ITGB5: variants seen among roughly 807,000 people sequenced by gnomAD.
The protein encoded by ITGB5 is integrin beta-5.
Under a neutral mutation model 84.8 loss-of-function variants are expected in ITGB5, and 38 were observed. The observed-to-expected ratio is 0.45, with a 90% CI of 0.35 to 0.59. The LOEUF (loss-of-function observed/expected upper bound fraction) is 0.59. ITGB5 is among the 20% of genes least tolerant of loss of function. The pLI is 0.01. For synonymous variants in ITGB5, 393 were observed against 414.4 expected (o/e 0.95, Z 0.63); for missense variants, 905 against 1,034.5 (o/e 0.87, Z 1.72).
intron 10 of ITGB5, among the ~76,000 whole-genome samples, chr3:124,778,116 G>C (rs1360663935): frequency 1.3e-5 from 2 of 152,250 alleles, no homozygotes; most frequent in African/African-American, 4.8e-5. Flanking sequence ...TTGGCAAAGT[G>C]AGTTGAATTT....
intron 4 of ITGB5, among the ~76,000 whole-genome samples, chr3:124,842,841 C>T (rs1480743736): frequency 6.6e-6 from 1 of 152,136 alleles, no homozygotes; most frequent in East Asian, 1.9e-4. Context: ...TGTAAAGGGG[C>T]AATCTTTGGT....
intron 2 of ITGB5, among the ~76,000 whole-genome samples, chr3:124,871,685 A>C (rs1426268860): frequency 1.3e-5 from 2 of 151,900 alleles, no homozygotes; most frequent in African/African-American, 4.8e-5. Context: ...CAATTAGCCG[A>C]GCACAGTGGC....
intron 3 of ITGB5, 152 bp from the exon 4 acceptor site, chr3:124,848,710 A>G: frequency 1.3e-6 from 1 of 762,156 alleles, no homozygotes; most frequent in Non-Finnish European, 2.1e-6. Context: ...AAGTGCCTGA[A>G]GGGAATACGG....
intron 1 of ITGB5, among the ~76,000 whole-genome samples, chr3:124,885,809 G>A (rs1934777914): frequency 6.6e-6 from 1 of 152,130 alleles, no homozygotes; most frequent in South Asian, 2.1e-4. Flanking sequence ...GTTTGAATTA[G>A]GGTCTGAACG....
chr3:124,884,040 C>T (rs1391455636), intron 1 of ITGB5, among the ~76,000 whole-genome samples: 3 of 152,120 alleles, frequency 2.0e-5, no homozygotes, highest in South Asian at 2.1e-4. Context: ...GAGAGGCACT[C>T]AACCACTGGT....
chr3:124,771,794 C>CTCTT lies in ITGB5; in HGVS notation c.1916+1892_1916+1895dup, dbSNP rs1394377887. Among the ~76,000 whole-genome samples, 4 of 149,482 alleles carry CTCTT rather than the reference C, an allele frequency of 2.7e-5. No individual in the cohort carries two copies. In the East Asian group the frequency reaches 7.9e-4, roughly 30 times the overall value. On this transcript the variant is annotated intron_variant, in intron 11 of 14. Transcript: ENST00000296181. ...GAATCGTGATATTCCCTTGTGGCAT[C>CTCTT]TCTTTGCTCTCCTTGCTCCCTTCAT...
intron 9 of ITGB5, among the ~76,000 whole-genome samples, chr3:124,807,039 CATAA>C (rs1208834671): frequency 2.6e-5 from 4 of 152,136 alleles, no homozygotes; most frequent in African/African-American, 9.7e-5. Context: ...AAAAAGTTCA[CATAA>C]ATAGGAAGAT....
intron 3 of ITGB5, 121 bp from the exon 4 acceptor site, chr3:124,848,679 A>G (rs1319802825): frequency 2.2e-5 from 24 of 1,103,078 alleles, no homozygotes; most frequent in Non-Finnish European, 2.7e-5. Flanking sequence ...TGTGCCTCAC[A>G]GAAGATTTTT....
chr3:124,875,050 T>C (rs1489887504), intron 1 of ITGB5, among the ~76,000 whole-genome samples: 1 of 151,960 alleles, frequency 6.6e-6, no homozygotes, highest in African/African-American at 2.4e-5. Context: ...AAGGAAACAA[T>C]CAACAGAGCA....
At chr3:124,860,663 C>A (rs1192927037) in intron 2 of ITGB5, among the ~76,000 whole-genome samples, 1 of 152,252 alleles carries the variant, frequency 6.6e-6, no homozygotes, top group Non-Finnish European at 1.5e-5. Flanking sequence ...AGATTCCCCC[C>A]ACTCTGGCAG....
At chr3:124,800,320 A>G (rs925355323) in intron 9 of ITGB5, among the ~76,000 whole-genome samples, 3 of 152,222 alleles carry the variant, frequency 2.0e-5, no homozygotes, top group Non-Finnish European at 4.4e-5. Flanking sequence ...ACCTGTGAGT[A>G]TAACCTTGTC....
chr3:124,782,974 CTT>C (rs11370689), intron 10 of ITGB5, among the ~76,000 whole-genome samples: 1 of 151,526 alleles, frequency 6.6e-6, no homozygotes, highest in Non-Finnish European at 1.5e-5. Flanking sequence ...CCCTTTCTTT[CTT>C]TTTTTTCTTT....
At chr3:124,865,938 G>A (rs940554717) in intron 2 of ITGB5, among the ~76,000 whole-genome samples, 1 of 152,104 alleles carries the variant, frequency 6.6e-6, no homozygotes. Context: ...CTGTTACATG[G>A]AGGATAAGAT....
At chr3:124,849,259 C>T (rs895149572) in intron 3 of ITGB5, among the ~76,000 whole-genome samples, 5 of 151,984 alleles carry the variant, frequency 3.3e-5, no homozygotes, top group Non-Finnish European at 5.9e-5. Flanking sequence ...GACCCAGTCA[C>T]GATGGGAATG....
chr3:124,843,372 G>C (rs1285416575), intron 4 of ITGB5, among the ~76,000 whole-genome samples: 1 of 152,116 alleles, frequency 6.6e-6, no homozygotes, highest in Non-Finnish European at 1.5e-5. Flanking sequence ...TTTTACACTT[G>C]GTCCGGTTGG....
At chr3:124,895,144 C>CT (rs1935077526) in intron 1 of ITGB5, among the ~76,000 whole-genome samples, 1 of 152,174 alleles carries the variant, frequency 6.6e-6, no homozygotes, top group Non-Finnish European at 1.5e-5. Flanking sequence ...ACAGAGATAC[C>CT]TGAAGATGGA....
chr3:124,800,922 C>T (rs566457687), intron 9 of ITGB5, among the ~76,000 whole-genome samples: 3 of 152,334 alleles, frequency 2.0e-5, no homozygotes, highest in South Asian at 2.1e-4. Context: ...GACACAGCAG[C>T]CCTCCCACTC....
intron 10 of ITGB5, among the ~76,000 whole-genome samples, chr3:124,784,216 C>A (rs2064047483): frequency 6.6e-6 from 1 of 152,204 alleles, no homozygotes; most frequent in Non-Finnish European, 1.5e-5. Flanking sequence ...CACCTGATTT[C>A]TCAATGCTGA....
At chr3:124,848,204 C>A (rs2065102718) in intron 4 of ITGB5, 105 bp downstream of exon 4, 1 of 1,344,608 alleles carries the variant, frequency 7.4e-7, no homozygotes. Flanking sequence ...AGCCTGGCCA[C>A]CCCTCCTAAC....
Sources: gnomAD v4.1 joint callset for allele counts (sites outside exome capture counted in the v4.1 genomes callset) on GRCh38, gnomAD v4.1.1 for gene constraint, MANE v1.5 for transcripts, NCBI Gene and HGNC (gene_info 2026-07-23, HGNC 2026-07-21) for gene names.